Variants in CSNK1G1 observed in about 807,000 individuals in gnomAD.
The protein encoded by CSNK1G1 is casein kinase 1 gamma 1, also known as casein kinase I isoform gamma-1.
Under a neutral mutation model 59.6 loss-of-function variants are expected in CSNK1G1, and 22 were observed. That is an observed-to-expected ratio of 0.37 (90% CI 0.26 to 0.53). The LOEUF (loss-of-function observed/expected upper bound fraction) is 0.53. Ranked by LOEUF, CSNK1G1 falls within the 20% of genes least tolerant of loss-of-function variation. The probability of loss-of-function intolerance (pLI) is 0.89; values close to 1 mark genes in which losing one functional copy is unlikely to be tolerated. For missense variants in CSNK1G1, 384 were observed against 519.5 expected (o/e 0.74, Z 2.54); for synonymous variants, 179 against 177.1 (o/e 1.01, Z -0.08).
At chr15:64,191,527 A>G (rs909806254) in intron 10 of CSNK1G1, among the ~76,000 whole-genome samples, 1 of 152,316 alleles carries the variant, frequency 6.6e-6, no homozygotes, top group African/African-American at 2.4e-5. Context: ...TCTGATTCAC[A>G]GGGCTATGTG....
chr15:64,268,636 C>G (rs1200331610), intron 2 of CSNK1G1, among the ~76,000 whole-genome samples: 1 of 152,060 alleles, frequency 6.6e-6, no homozygotes, highest in Admixed American at 6.6e-5. Context: ...AGGGAACACA[C>G]AGTATTTCAT....
At chr15:64,279,424 C>T (rs1004934818) in intron 2 of CSNK1G1, among the ~76,000 whole-genome samples, 13 of 152,076 alleles carry the variant, frequency 8.5e-5, no homozygotes, top group Admixed American at 6.6e-4. Flanking sequence ...TGATTACGTC[C>T]GTGAGATTCA....
intron 4 of CSNK1G1, among the ~76,000 whole-genome samples, chr15:64,250,077 T>A (rs1891991483): frequency 6.6e-6 from 1 of 152,170 alleles, no homozygotes; most frequent in African/African-American, 2.4e-5. Flanking sequence ...TTATGAAACC[T>A]AGAATAACTT....
chr15:64,277,891 T>C (rs1893816996), intron 2 of CSNK1G1, among the ~76,000 whole-genome samples: 1 of 138,266 alleles, frequency 7.2e-6, no homozygotes. Flanking sequence ...ATATATTTAA[T>C]ATATTGATAT....
At chr15:64,343,476 C>T (rs1596301534) in intron 1 of CSNK1G1, among the ~76,000 whole-genome samples, 1 of 152,166 alleles carries the variant, frequency 6.6e-6, no homozygotes, top group Admixed American at 6.5e-5. Context: ...GCAGATGCAC[C>T]TCACCCAAGA....
chr15:64,323,001 T>C (rs1239084465), intron 1 of CSNK1G1, among the ~76,000 whole-genome samples: 1 of 151,962 alleles, frequency 6.6e-6, no homozygotes, highest in African/African-American at 2.4e-5. Context: ...CATCTCACTG[T>C]AGCTTCAACC....
At chr15:64,261,937 G>A (rs1443742445) in intron 2 of CSNK1G1, among the ~76,000 whole-genome samples, 3 of 28,576 alleles carry the variant, frequency 1.0e-4, no homozygotes, top group African/African-American at 4.3e-4. Context: ...GCAAGACTCC[G>A]TCTCAAAAAA....
intron 1 of CSNK1G1, among the ~76,000 whole-genome samples, chr15:64,339,509 C>A (rs542588568): frequency 6.6e-6 from 1 of 152,184 alleles, no homozygotes; most frequent in East Asian, 1.9e-4. Context: ...GACAGGGATT[C>A]GCCATGTTGG....
intron 10 of CSNK1G1, among the ~76,000 whole-genome samples, chr15:64,181,584 T>G (rs1187474526): frequency 6.6e-6 from 1 of 152,190 alleles, no homozygotes; most frequent in Non-Finnish European, 1.5e-5. Context: ...ATACCTAGCA[T>G]AAATAAGGGA....
intron 1 of CSNK1G1, among the ~76,000 whole-genome samples, chr15:64,350,652 A>G (rs1898237371): frequency 6.6e-6 from 1 of 152,216 alleles, no homozygotes; most frequent in Non-Finnish European, 1.5e-5. Flanking sequence ...CTTTGGTTAC[A>G]TGTTCACTGA....
rs1171648453 is a variant in CSNK1G1, at chr15:64,180,418, C to T, written c.1144G>A (p.Asp382Asn). The T allele has an allele frequency of 6.2e-7, 1 of 1,614,032 alleles. No individual in the cohort carries two copies. Among genetic ancestry groups the T allele is most frequent in the African/African-American group, 1.3e-5 (1 of 74,914 alleles). ...GCATTGGAGTGGGCTCCCGTGGGATCATCAACATTCAGCTCTCCATTGGTT... is the reference window on the plus strand; with the variant it reads ...GCATTGGAGTGGGCTCCCGTGGGATTATCAACATTCAGCTCTCCATTGGTT... ...SSTNGELNVD[D>N]PTGAHSNAPI... is the part of the protein sequence containing the mutation. The change falls in exon 11 of 12, where the codon GAT becomes AAT. Residue 382 changes from aspartate to asparagine, a missense_variant. Asp to Asn is a conservative substitution (Grantham distance 23, BLOSUM62 1). This residue lies in a region of CSNK1G1 where 325 missense variants were observed against 440.9 expected (regional missense o/e 0.74). Transcript: ENST00000303052.
At chr15:64,256,400 G>A (rs968422919) in intron 3 of CSNK1G1, among the ~76,000 whole-genome samples, 1 of 152,204 alleles carries the variant, frequency 6.6e-6, no homozygotes, top group Non-Finnish European at 1.5e-5. Flanking sequence ...ACTCCATAGA[G>A]TTCAAGGGTT....
At chr15:64,313,907 G>T (rs531083227) in intron 1 of CSNK1G1, among the ~76,000 whole-genome samples, 1 of 151,098 alleles carries the variant, frequency 6.6e-6, no homozygotes, top group East Asian at 1.9e-4. Flanking sequence ...TTCAGTGAGT[G>T]CCTCCTATGT....
At chr15:64,327,287 G>A (rs926887418) in intron 1 of CSNK1G1, among the ~76,000 whole-genome samples, 1 of 149,896 alleles carries the variant, frequency 6.7e-6, no homozygotes, top group Non-Finnish European at 1.5e-5. Flanking sequence ...TGACAGCTTT[G>A]AAGAGAGCAG....
At position 64,240,883 on chromosome 15, in the gene CSNK1G1, GAGAAAA is replaced by G. The variant is rs536897299; in HGVS notation, c.292+10623_292+10628del. Among the ~76,000 whole-genome samples, 560 of 152,018 alleles carry G rather than the reference GAGAAAA, an allele frequency of 3.7e-3. 2 individuals are homozygous for G. The highest frequency in any genetic ancestry group is 0.017 in the Middle Eastern group (5 of 294). On this transcript the variant is annotated intron_variant, in intron 4 of 11. Coordinates refer to ENST00000303052, the MANE Select transcript of CSNK1G1 (RefSeq NM_022048.5). ...ATAAAGCAGATACACAAAGGAGAAA[GAGAAAA>G]AGAAAAAGAATCAAACCGTATCACT...
chr15:64,223,771 C>A (rs561919091), intron 4 of CSNK1G1, among the ~76,000 whole-genome samples: 1 of 152,294 alleles, frequency 6.6e-6, no homozygotes, highest in African/African-American at 2.4e-5. Flanking sequence ...TTTCCATCAT[C>A]AATAACATGA....
chr15:64,339,600 C>A (rs1195226672), intron 1 of CSNK1G1, among the ~76,000 whole-genome samples: 1 of 152,052 alleles, frequency 6.6e-6, no homozygotes, highest in African/African-American at 2.4e-5. Flanking sequence ...GACATGAGCC[C>A]AGCCAGCAAT....
intron 11 of CSNK1G1, among the ~76,000 whole-genome samples, chr15:64,178,437 A>G (rs2081766715): frequency 6.8e-6 from 1 of 146,342 alleles, no homozygotes; most frequent in African/African-American, 2.6e-5. Context: ...CTTTTGATGT[A>G]TTGGGTAGGA....
chr15:64,341,994 G>A (rs1418225732), intron 1 of CSNK1G1, among the ~76,000 whole-genome samples: 1 of 152,116 alleles, frequency 6.6e-6, no homozygotes, highest in Admixed American at 6.6e-5. Context: ...ATTCCTCATG[G>A]TCACTTTTAC....
Sources: allele counts gnomAD v4.1 joint callset (sites outside exome capture counted in the v4.1 genomes callset), GRCh38; gene constraint gnomAD v4.1.1; regional missense constraint gnomAD v4.1.1; transcripts MANE v1.5; gene names NCBI Gene and HGNC (gene_info 2026-07-23, HGNC 2026-07-21).